FNIP1: variants seen among roughly 807,000 people sequenced by gnomAD.
FNIP1 encodes folliculin interacting protein 1, also known as folliculin-interacting protein 1.
Under a neutral mutation model 124.5 loss-of-function variants are expected in FNIP1, and 40 were observed. The observed-to-expected ratio is 0.32, with a 90% CI of 0.25 to 0.42. The LOEUF (loss-of-function observed/expected upper bound fraction) is 0.42, where lower values mean the gene tolerates loss of function less well. FNIP1 is among the 10% of genes least tolerant of loss of function. The pLI, the probability that FNIP1 is intolerant of heterozygous loss-of-function variation, is 1.00. For synonymous variants in FNIP1, 472 were observed against 470.6 expected, an observed-to-expected ratio of 1.00 and a Z score of -0.04; for missense variants, 1,176 against 1,403.7, an observed-to-expected ratio of 0.84 and a Z score of 2.59.
chr5:131,646,593 C>G (rs893492078), intron 17 of FNIP1, among the ~76,000 whole-genome samples: 4 of 152,228 alleles, frequency 2.6e-5, no homozygotes, highest in East Asian at 3.9e-4. Context: ...TTATGCCCCC[C>G]CTACCAACTT....
chr5:131,752,707 T>C (rs186056677), intron 1 of FNIP1, among the ~76,000 whole-genome samples: 28 of 152,300 alleles, frequency 1.8e-4, no homozygotes, highest in African/African-American at 6.5e-4. Context: ...AAAGGAGATA[T>C]ATGAATGGAT....
At position 131,671,794 on chromosome 5, in the gene FNIP1, A is replaced by G. The variant is rs61746600; in HGVS notation, c.2650T>C (p.Phe884Leu). ...GGAACTGTTTCTATACATTTACAAAATTCATTGTTCTGCTTGTTATTTTTT... is the reference window on the plus strand; with the variant it reads ...GGAACTGTTTCTATACATTTACAAAGTTCATTGTTCTGCTTGTTATTTTTT... ...CTKNNKQNNEFCKCIETVPQD... is the reference protein window; with the variant it reads ...CTKNNKQNNELCKCIETVPQD... The change falls in exon 14 of 18, where the codon TTT (phenylalanine) becomes CTT (leucine). Residue 884 changes from phenylalanine to leucine, a missense_variant. Coordinates refer to ENST00000510461, the MANE Select transcript of FNIP1 (RefSeq NM_133372.3). The G allele has an allele frequency of 5.9e-4, 945 of 1,614,062 alleles. 5 individuals are homozygous for G. In the African/African-American group the frequency reaches 0.011, roughly 19 times the overall value.
intron 1 of FNIP1, among the ~76,000 whole-genome samples, chr5:131,782,662 ATCAT>A (rs1309311178): frequency 4.6e-5 from 7 of 152,234 alleles, no homozygotes; most frequent in Non-Finnish European, 8.8e-5. Context: ...GAAAGGATTC[ATCAT>A]TCCAGAATAT....
chr5:131,701,888 A>G (rs1485379724), intron 10 of FNIP1, among the ~76,000 whole-genome samples: 5 of 152,150 alleles, frequency 3.3e-5, no homozygotes, highest in Admixed American at 3.3e-4. Flanking sequence ...GTCATCAGGT[A>G]CTCATTAACT....
intron 3 of FNIP1, among the ~76,000 whole-genome samples, chr5:131,720,020 T>C (rs1417114122): frequency 1.3e-5 from 2 of 152,138 alleles, no homozygotes; most frequent in East Asian, 1.9e-4. Context: ...ACCACAACCT[T>C]CTTCTTCAAG....
chr5:131,650,205 G>A (rs980151462), intron 16 of FNIP1, among the ~76,000 whole-genome samples: 1 of 152,100 alleles, frequency 6.6e-6, no homozygotes, highest in African/African-American at 2.4e-5. Context: ...AGATAACTTT[G>A]AGTAGTAATG....
chr5:131,736,664 C>A (rs1421961268), intron 2 of FNIP1, among the ~76,000 whole-genome samples: 1 of 152,234 alleles, frequency 6.6e-6, no homozygotes, highest in Non-Finnish European at 1.5e-5. Context: ...TGGGAGAGAT[C>A]TATCTCTAAA....
chr5:131,662,070 A>G (rs990047589), intron 15 of FNIP1, among the ~76,000 whole-genome samples: 1 of 152,174 alleles, frequency 6.6e-6, no homozygotes, highest in Non-Finnish European at 1.5e-5. Context: ...GAGAACAGGA[A>G]TTTTCAAGTT....
intron 15 of FNIP1, among the ~76,000 whole-genome samples, chr5:131,655,305 G>A (rs1375416024): frequency 6.6e-6 from 1 of 152,222 alleles, no homozygotes; most frequent in South Asian, 2.1e-4. Context: ...CCAGTAGTTC[G>A]AGAGACTAAC....
In FNIP1 at chr5:131,672,259, C is replaced by T; in HGVS notation, c.2185G>A (p.Val729Met). The change falls in exon 14 of 18, where the codon GTG becomes ATG. Residue 729 changes from valine to methionine, a missense_variant. Transcript: ENST00000510461. Reference sequence around the variant, plus strand: ...ATCTTATCTGGAGGTTTTTTTTCCACAACCATTCCTGTGGATCTCATTGCT... The same window carrying T: ...ATCTTATCTGGAGGTTTTTTTTCCATAACCATTCCTGTGGATCTCATTGCT... The part of the protein sequence containing the change: ...GKAMRSTGMV[V>M]EKKPPDKIVP... The T allele has an allele frequency of 6.2e-7, 1 of 1,614,142 alleles. No individual in the cohort carries two copies. Among genetic ancestry groups the T allele is most frequent in the Non-Finnish European group, 8.5e-7 (1 of 1,180,004 alleles).
At chr5:131,728,765 C>A (rs1456063591) in intron 3 of FNIP1, among the ~76,000 whole-genome samples, 1 of 152,124 alleles carries the variant, frequency 6.6e-6, no homozygotes, top group Non-Finnish European at 1.5e-5. Context: ...GAGAGGCATT[C>A]TGGTGTTTGG....
intron 13 of FNIP1, among the ~76,000 whole-genome samples, chr5:131,674,348 G>A (rs1223420193): frequency 1.3e-5 from 2 of 152,142 alleles, no homozygotes; most frequent in Non-Finnish European, 2.9e-5. Context: ...AGGTGAGGGG[G>A]GCAGGACTAG....
intron 2 of FNIP1, among the ~76,000 whole-genome samples, chr5:131,743,205 T>C (rs971903378): frequency 6.6e-6 from 1 of 151,574 alleles, no homozygotes; most frequent in African/African-American, 2.4e-5. Context: ...AGATAGTATA[T>C]AGGATAAAGG....
At chr5:131,772,131 A>C (rs1432381587) in intron 1 of FNIP1, among the ~76,000 whole-genome samples, 1 of 152,182 alleles carries the variant, frequency 6.6e-6, no homozygotes, top group Non-Finnish European at 1.5e-5. Context: ...ATTTATACTA[A>C]GTGAAAGAAC....
chr5:131,690,817 T>G (rs1306189223), intron 11 of FNIP1, among the ~76,000 whole-genome samples: 2 of 152,158 alleles, frequency 1.3e-5, no homozygotes, highest in Non-Finnish European at 2.9e-5. Flanking sequence ...GAAGACATAA[T>G]TATCCTTAAT....
chr5:131,785,587 C>T (rs955031060), intron 1 of FNIP1, among the ~76,000 whole-genome samples: 1 of 152,008 alleles, frequency 6.6e-6, no homozygotes, highest in African/African-American at 2.4e-5. Context: ...TAACAAGTAA[C>T]GAGCTTCACC....
intron 16 of FNIP1, among the ~76,000 whole-genome samples, chr5:131,649,345 T>G (rs1328896068): frequency 6.6e-6 from 1 of 152,192 alleles, no homozygotes; most frequent in Non-Finnish European, 1.5e-5. Flanking sequence ...CTTTTTATCA[T>G]AGTCATCCTT....
chr5:131,703,475 C>A (rs548988004), intron 10 of FNIP1, among the ~76,000 whole-genome samples: 1 of 152,140 alleles, frequency 6.6e-6, no homozygotes, highest in African/African-American at 2.4e-5. Flanking sequence ...TTATAAGGTC[C>A]TACATGATCT....
intron 3 of FNIP1, among the ~76,000 whole-genome samples, chr5:131,727,497 T>C (rs1769922201): frequency 6.6e-6 from 1 of 152,160 alleles, no homozygotes; most frequent in South Asian, 2.1e-4. Flanking sequence ...CTAGGATTGC[T>C]ACCCCTGCTT....
Sources: gnomAD v4.1 joint callset for allele counts (sites outside exome capture counted in the v4.1 genomes callset) on GRCh38, gnomAD v4.1.1 for gene constraint, MANE v1.5 for transcripts, NCBI Gene and HGNC (gene_info 2026-07-23, HGNC 2026-07-21) for gene names.